The following ZNF430 variants were observed in gnomAD, a reference collection of about 807,000 sequenced individuals.
ZNF430 encodes the protein zinc finger protein 430.
In ZNF430, 35 loss-of-function variants were observed where a neutral mutation model predicts 56.7. The observed-to-expected ratio is 0.62, with a 90% CI of 0.47 to 0.82. ZNF430 has a LOEUF of 0.82. ZNF430 is among the 40% of genes least tolerant of loss of function. The pLI, the probability that ZNF430 is intolerant of heterozygous loss-of-function variation, is 0.00. For synonymous variants in ZNF430, 212 were observed against 224.3 expected (o/e 0.94, Z 0.49); for missense variants, 574 against 661.0 (o/e 0.87, Z 1.44).
intron 4 of ZNF430, among the ~76,000 whole-genome samples, chr19:21,039,528 GTGATCTTGGCT>G (rs1968066254): frequency 6.6e-6 from 1 of 150,940 alleles, no homozygotes; most frequent in African/African-American, 2.4e-5. Context: ...GTGCAATGGT[GTGATCTTGGCT>G]CACTGCAAAC....
chr19:21,054,332 G>A (rs1348456540), intron 4 of ZNF430, among the ~76,000 whole-genome samples: 1 of 151,526 alleles, frequency 6.6e-6, no homozygotes, highest in Non-Finnish European at 1.5e-5. Flanking sequence ...TAGAGCATAC[G>A]GAGTACCAAT....
At chr19:21,021,561 A>T (rs1394926938) in intron 1 of ZNF430, among the ~76,000 whole-genome samples, 4 of 152,170 alleles carry the variant, frequency 2.6e-5, no homozygotes, top group Non-Finnish European at 5.9e-5. Context: ...AAGAGTGATT[A>T]AAAAACTGTT....
intron 4 of ZNF430, among the ~76,000 whole-genome samples, chr19:21,051,104 G>A (rs1265728961): frequency 6.6e-6 from 1 of 152,120 alleles, no homozygotes; most frequent in Admixed American, 6.5e-5. Flanking sequence ...ATATTTATAT[G>A]TTGCAAAGCT....
intron 4 of ZNF430, among the ~76,000 whole-genome samples, chr19:21,037,119 T>A (rs1599497004): frequency 1.3e-5 from 2 of 151,136 alleles, no homozygotes; most frequent in South Asian, 4.2e-4. Flanking sequence ...TTCTTTTTTT[T>A]TTTTTTTTTT....
Position 21,058,039 on chromosome 19 carries a change from C to A in ZNF430, c.*18C>A. 1 of 1,599,000 alleles carries A rather than the reference C, an allele frequency of 6.3e-7. No individual in the cohort carries two copies. The highest frequency in any genetic ancestry group is 1.1e-5 in the South Asian group (1 of 89,178). ...AAATGTGAAGATTGTGGCAAAGCCTCTAACCCGTCCTGAATTCTTACTAAA... is the reference window on the plus strand; with the variant it reads ...AAATGTGAAGATTGTGGCAAAGCCTATAACCCGTCCTGAATTCTTACTAAA... On this transcript the variant is annotated 3_prime_UTR_variant, in exon 5 of 5. Coordinates refer to ENST00000261560, the MANE Select transcript of ZNF430 (RefSeq NM_025189.4).
intron 1 of ZNF430, among the ~76,000 whole-genome samples, chr19:21,022,387 AT>A (rs1226206283): frequency 6.6e-6 from 1 of 152,112 alleles, no homozygotes; most frequent in Non-Finnish European, 1.5e-5. Flanking sequence ...CCTAATTCAC[AT>A]TATCACCTAT....
At chr19:21,042,280 C>T (rs763093195) in intron 4 of ZNF430, among the ~76,000 whole-genome samples, 8 of 152,146 alleles carry the variant, frequency 5.3e-5, no homozygotes, top group Non-Finnish European at 1.0e-4. Context: ...TACACATCCA[C>T]ATATCTTTAT....
At chr19:21,055,175 G>A (rs561236478) in intron 4 of ZNF430, among the ~76,000 whole-genome samples, 2 of 151,038 alleles carry the variant, frequency 1.3e-5, no homozygotes, top group South Asian at 2.1e-4. Flanking sequence ...ATTTTTTATG[G>A]TTTCTCTCTG....
Position 21,033,560 on chromosome 19 carries a change from C to G in ZNF430, c.201C>G (p.Asn67Lys). 1 of 1,609,836 alleles carries G rather than the reference C, an allele frequency of 6.2e-7. No homozygotes were observed. Among genetic ancestry groups the G allele is most frequent in the Non-Finnish European group, 8.5e-7 (1 of 1,178,050 alleles). ...QDLYRKVMLE[N>K]YRNLVFLAGI... The stretch of plus-strand genomic sequence containing the variant: ...TGTATAGAAAAGTGATGTTAGAGAA[C>G]TACAGAAACCTGGTCTTCTTGGGTG... The change falls in exon 3 of 5, where the codon AAC (asparagine) becomes AAG (lysine). Residue 67 changes from asparagine to lysine, a missense_variant. By Grantham distance (94) the Asn-to-Lys change is moderately conservative. This residue lies in a region of ZNF430 where 346 missense variants were observed against 399.1 expected (regional missense o/e 0.87). Coordinates refer to ENST00000261560, the MANE Select transcript of ZNF430 (RefSeq NM_025189.4).
At chr19:21,041,196 C>T (rs1968096212) in intron 4 of ZNF430, among the ~76,000 whole-genome samples, 1 of 152,142 alleles carries the variant, frequency 6.6e-6, no homozygotes. Flanking sequence ...GGCATGATTA[C>T]AGCTCGCTGC....
At chr19:21,042,425 C>G (rs530226129) in intron 4 of ZNF430, among the ~76,000 whole-genome samples, 2 of 152,196 alleles carry the variant, frequency 1.3e-5, no homozygotes, top group South Asian at 4.2e-4. Flanking sequence ...ACATTCTCAC[C>G]GACAGTGTAA....
chr19:21,054,959 C>T (rs1211857003), intron 4 of ZNF430, among the ~76,000 whole-genome samples: 1 of 151,968 alleles, frequency 6.6e-6, no homozygotes, highest in Non-Finnish European at 1.5e-5. Flanking sequence ...CAGGCGTGAG[C>T]CACCGCGCCC....
At chr19:21,054,768 C>T (rs1038784307) in intron 4 of ZNF430, among the ~76,000 whole-genome samples, 8 of 148,626 alleles carry the variant, frequency 5.4e-5, no homozygotes, top group Non-Finnish European at 8.9e-5. Flanking sequence ...TCCGCCTCCC[C>T]GGTTCACGCC....
In ZNF430 at chr19:21,056,485, T is replaced by A. The variant is rs1429642854; in HGVS notation, c.323-146T>A. ...TCCTGGGCTACAGAATGAGACTCTG[T>A]CTAAAAAAAAAAAAAAATTAGGGCC... On this transcript the variant is annotated intron_variant, in intron 4 of 4. Transcript: ENST00000261560. 5.7e-6 allele frequency: 3 copies of A among 530,938 alleles called. No homozygotes were observed. The African/African-American group carries it at 6.0e-5, about 11-fold the overall frequency. 32.9% of individuals were successfully genotyped at this position (530,938 alleles called of 1,614,324 possible).
At chr19:21,031,583 G>A (rs1967902073) in intron 2 of ZNF430, among the ~76,000 whole-genome samples, 1 of 152,144 alleles carries the variant, frequency 6.6e-6, no homozygotes, top group Admixed American at 6.5e-5. Context: ...AGAGAAATGG[G>A]TGGACTTTTT....
chr19:21,054,669 C>CTTTTTTTTTTTTTTTTTTTTT (rs55772412), intron 4 of ZNF430, among the ~76,000 whole-genome samples: 12 of 65,594 alleles, frequency 1.8e-4, no homozygotes, highest in African/African-American at 5.1e-4. Flanking sequence ...ATTTTTACGT[C>CTTTTTTTTTTTTTTTTTTTTT]TTTTTTTTTT....
chr19:21,050,593 ATAT>A (rs933588804), intron 4 of ZNF430, among the ~76,000 whole-genome samples: 1 of 151,876 alleles, frequency 6.6e-6, no homozygotes, highest in African/African-American at 2.4e-5. Flanking sequence ...TTGTGAATCT[ATAT>A]TATTTTTGTG....
intron 4 of ZNF430, among the ~76,000 whole-genome samples, chr19:21,047,307 T>G (rs1337304570): frequency 2.0e-5 from 3 of 152,240 alleles, no homozygotes; most frequent in Non-Finnish European, 4.4e-5. Flanking sequence ...AAGTTCATCA[T>G]TACCCACCTT....
At chr19:21,052,070 G>A (rs986705722) in intron 4 of ZNF430, among the ~76,000 whole-genome samples, 1 of 151,984 alleles carries the variant, frequency 6.6e-6, no homozygotes, top group African/African-American at 2.4e-5. Context: ...TTCAACCTTT[G>A]AACAGGAGCA....
Sources: allele counts gnomAD v4.1 joint callset (sites outside exome capture counted in the v4.1 genomes callset), GRCh38; gene constraint gnomAD v4.1.1; regional missense constraint gnomAD v4.1.1; transcripts MANE v1.5; gene names NCBI Gene and HGNC (gene_info 2026-07-23, HGNC 2026-07-21).